The following CCDC149 variants were observed in gnomAD, a reference collection of about 807,000 sequenced individuals.
CCDC149 encodes coiled-coil domain-containing protein 149.
Under a neutral mutation model 59.9 loss-of-function variants are expected in CCDC149, and 45 were observed. The ratio of observed to expected loss-of-function variants is 0.75; its 90% CI spans 0.59 to 0.96. The LOEUF is 0.96. Ranked by LOEUF, CCDC149 falls within the 40% of genes least tolerant of loss-of-function variation. The pLI is 0.00. For missense variants in CCDC149, 584 were observed against 664.7 expected, an observed-to-expected ratio of 0.88 and a Z score of 1.33; for synonymous variants, 245 against 260.6, an observed-to-expected ratio of 0.94 and a Z score of 0.58.
intron 1 of CCDC149, among the ~76,000 whole-genome samples, chr4:24,904,370 G>A (rs994166887): frequency 6.6e-6 from 1 of 152,198 alleles, no homozygotes; most frequent in African/African-American, 2.4e-5. Flanking sequence ...TGAGTTATCT[G>A]GTTGTGGCTG....
At chr4:24,898,066 C>A (rs1035095604) in intron 1 of CCDC149, among the ~76,000 whole-genome samples, 5 of 152,224 alleles carry the variant, frequency 3.3e-5, no homozygotes, top group Non-Finnish European at 7.3e-5. Flanking sequence ...GCAGGCACAG[C>A]AATCTGCGCC....
chr4:24,935,356 T>C (rs189022007), intron 1 of CCDC149, among the ~76,000 whole-genome samples: 4 of 152,280 alleles, frequency 2.6e-5, no homozygotes, highest in Admixed American at 2.0e-4. Context: ...AAAGTAAAGA[T>C]TTATATTTTA....
chr4:24,840,793 T>C (rs998076214), intron 4 of CCDC149, among the ~76,000 whole-genome samples: 1 of 152,162 alleles, frequency 6.6e-6, no homozygotes, highest in African/African-American at 2.4e-5. Flanking sequence ...GCTGTTGAAC[T>C]CAGTTCAATG....
rs148445621 is a variant in CCDC149 at position 24,904,569 on chromosome 4, TGTTTA to T, written c.63+8243_63+8247del. ...CTACCTAGGAGAAGGATTGCTGGGTTGTTTAGTTAAGTGTGTGTTTGACTTTATAA... is the reference window on the plus strand; with the variant it reads ...CTACCTAGGAGAAGGATTGCTGGGTTGTTAAGTGTGTGTTTGACTTTATAA... On this transcript the variant is annotated intron_variant, in intron 1 of 12. Transcript: ENST00000635206. Among the ~76,000 whole-genome samples the T allele has an allele frequency of 7.4e-4, 112 of 152,342 alleles. 1 individual carries two copies. The highest frequency in any genetic ancestry group is 7.3e-3 in the East Asian group (38 of 5,180).
chr4:24,949,726 C>T (rs1206969448), intron 1 of CCDC149, among the ~76,000 whole-genome samples: 4 of 152,168 alleles, frequency 2.6e-5, no homozygotes, highest in Non-Finnish European at 2.9e-5. Flanking sequence ...AAGCAGGACT[C>T]GGGCTCTGTC....
chr4:24,895,019 G>A (rs763242387), intron 1 of CCDC149: 81 of 1,507,624 alleles, frequency 5.4e-5, no homozygotes, highest in Admixed American at 1.6e-4. Flanking sequence ...CCGCTCTGGC[G>A]ATGATGATGA....
At chr4:24,898,681 AT>A (rs1720985179) in intron 1 of CCDC149, among the ~76,000 whole-genome samples, 1 of 152,120 alleles carries the variant, frequency 6.6e-6, no homozygotes, top group East Asian at 1.9e-4. Context: ...GAGGACCCCC[AT>A]CCTCAGGAAC....
At chr4:24,822,674 A>G in intron 9 of CCDC149, 101 bp from the exon 10 acceptor site, 1 of 718,512 alleles carries the variant, frequency 1.4e-6, no homozygotes, top group Non-Finnish European at 2.2e-6. Flanking sequence ...GTTGAGATTT[A>G]TGATATATGC....
chr4:24,965,895 G>A (rs1202142518), intron 1 of CCDC149, among the ~76,000 whole-genome samples: 1 of 152,244 alleles, frequency 6.6e-6, no homozygotes, highest in African/African-American at 2.4e-5. Flanking sequence ...CATGTGAGGT[G>A]CATTAGGTGA....
chr4:24,940,324 A>C (rs570882231), intron 1 of CCDC149, among the ~76,000 whole-genome samples: 2 of 152,122 alleles, frequency 1.3e-5, no homozygotes, highest in South Asian at 2.1e-4. Flanking sequence ...GAAATAAAAT[A>C]CTTTACAGAC....
chr4:24,814,136 C>G (rs1259382895), intron 12 of CCDC149, among the ~76,000 whole-genome samples: 1 of 152,194 alleles, frequency 6.6e-6, no homozygotes, highest in Non-Finnish European at 1.5e-5. Flanking sequence ...ATTTCTGAAG[C>G]CTGCATTTAG....
intron 4 of CCDC149, among the ~76,000 whole-genome samples, chr4:24,839,022 T>TCA (rs1222797650): frequency 1.3e-4 from 14 of 108,384 alleles, no homozygotes; most frequent in African/African-American, 5.4e-4. Context: ...TCTCTCTCTC[T>TCA]CTCTCTCACA....
At chr4:24,897,112 C>T (rs1720891742) in intron 1 of CCDC149, among the ~76,000 whole-genome samples, 1 of 152,032 alleles carries the variant, frequency 6.6e-6, no homozygotes, top group South Asian at 2.1e-4. Context: ...AGAGGCATGG[C>T]TAGATGTTGT....
chr4:24,975,058 C>T (rs573073433), intron 1 of CCDC149, among the ~76,000 whole-genome samples: 17 of 152,052 alleles, frequency 1.1e-4, no homozygotes, highest in Non-Finnish European at 2.1e-4. Context: ...ATAGGCTTTG[C>T]GCAGCATTGC....
intron 1 of CCDC149, among the ~76,000 whole-genome samples, chr4:24,884,296 T>C (rs1388751870): frequency 6.6e-6 from 1 of 152,228 alleles, no homozygotes; most frequent in Non-Finnish European, 1.5e-5. Flanking sequence ...GCCTAGAGTA[T>C]TCAGTACAGG....
chr4:24,941,104 C>T (rs975432884), intron 1 of CCDC149, among the ~76,000 whole-genome samples: 2 of 152,190 alleles, frequency 1.3e-5, no homozygotes, highest in Non-Finnish European at 2.9e-5. Flanking sequence ...TTCTTTTCAG[C>T]ACCACACCAC....
intron 1 of CCDC149, among the ~76,000 whole-genome samples, chr4:24,949,879 G>A (rs1723232055): frequency 6.6e-6 from 1 of 152,202 alleles, no homozygotes; most frequent in Non-Finnish European, 1.5e-5. Context: ...GGACTCCCCG[G>A]GGCCTGTGAC....
chr4:24,815,301 CATTT>C (rs1330734366), intron 12 of CCDC149, among the ~76,000 whole-genome samples: 2 of 152,162 alleles, frequency 1.3e-5, no homozygotes, highest in African/African-American at 4.8e-5. Flanking sequence ...CTTGCACAAA[CATTT>C]ATCTGCATCT....
chr4:24,980,174 T>A (rs780320984), upstream of CCDC149: 41 of 152,296 alleles, frequency 2.7e-4, no homozygotes, highest in Middle Eastern at 3.4e-3. Context: ...CCCCCTTCTC[T>A]AGTACGCAAT....
Sources: allele counts gnomAD v4.1 joint callset (sites outside exome capture counted in the v4.1 genomes callset), GRCh38; gene constraint gnomAD v4.1.1; transcripts MANE v1.5; gene names NCBI Gene and HGNC (gene_info 2026-07-23, HGNC 2026-07-21).